INSYN2A: variants seen among roughly 807,000 people sequenced by gnomAD.
The protein encoded by INSYN2A is family with sequence similarity 196 member A.
INSYN2A carries 17 observed loss-of-function variants against 39.4 expected under a neutral mutation model. The observed-to-expected ratio is 0.43, with a 90% CI of 0.30 to 0.65. The LOEUF (loss-of-function observed/expected upper bound fraction) is 0.65. INSYN2A is among the 30% of genes least tolerant of loss of function. INSYN2A has a pLI of 0.14. For synonymous variants in INSYN2A, 255 were observed against 265.7 expected, an observed-to-expected ratio of 0.96 and a Z score of 0.39; for missense variants, 595 against 631.2, an observed-to-expected ratio of 0.94 and a Z score of 0.61.
chr10:127,162,627 C>T (rs2053684489), intron 4 of INSYN2A, among the ~76,000 whole-genome samples: 1 of 152,186 alleles, frequency 6.6e-6, no homozygotes, highest in Non-Finnish European at 1.5e-5. Context: ...CTGGAAGGAT[C>T]ACCTGTACAT....
intron 1 of INSYN2A, among the ~76,000 whole-genome samples, chr10:127,194,803 C>T (rs2056988647): frequency 6.6e-6 from 1 of 152,172 alleles, no homozygotes; most frequent in South Asian, 2.1e-4. Context: ...GCTTCCCAGC[C>T]AAGGCAGGGC....
chr10:127,161,642 C>T lies in INSYN2A; in HGVS notation c.1185-7719G>A, dbSNP rs766180357. Among the ~76,000 whole-genome samples, 4 of 152,140 alleles carry T rather than the reference C, an allele frequency of 2.6e-5. 1 individual carries two copies. The highest frequency in any genetic ancestry group is 2.0e-4 in the Admixed American group (3 of 15,266). ...GAGTGTTGACACCTCTCCAGCTGCC[C>T]GGCTGCCACCTTTTGAGAGTTCTGC... On this transcript the variant is annotated intron_variant, in intron 4 of 5. Transcript: ENST00000522781.
chr10:127,165,894 A>T (rs2054025070), intron 4 of INSYN2A, among the ~76,000 whole-genome samples: 1 of 152,138 alleles, frequency 6.6e-6, no homozygotes, highest in Admixed American at 6.5e-5. Context: ...CAATGAGGGG[A>T]TCTCTGCTGT....
At chr10:127,193,371 G>C (rs1431316345) in intron 1 of INSYN2A, among the ~76,000 whole-genome samples, 32 of 152,182 alleles carry the variant, frequency 2.1e-4, no homozygotes, top group Admixed American at 2.1e-3. Flanking sequence ...TGGACGCGTT[G>C]AACAGCATCC....
chr10:127,190,531 T>C (rs572330400), intron 2 of INSYN2A, among the ~76,000 whole-genome samples: 2 of 96,188 alleles, frequency 2.1e-5, no homozygotes, highest in East Asian at 1.3e-3. Context: ...TGTGAATCGC[T>C]TCATCCAATT....
intron 2 of INSYN2A, among the ~76,000 whole-genome samples, chr10:127,187,463 G>A (rs547068484): frequency 1.1e-4 from 16 of 152,276 alleles, no homozygotes; most frequent in South Asian, 4.1e-4. Context: ...GTATGCTTTC[G>A]CCTTCTTGAA....
At chr10:127,171,612 G>T (rs988747495) in intron 4 of INSYN2A, among the ~76,000 whole-genome samples, 1 of 152,180 alleles carries the variant, frequency 6.6e-6, no homozygotes, top group Admixed American at 6.5e-5. Flanking sequence ...GGTGGCAAGT[G>T]GGGAGAGGAA....
intron 5 of INSYN2A, among the ~76,000 whole-genome samples, chr10:127,153,232 A>G (rs560722815): frequency 4.6e-5 from 7 of 152,262 alleles, no homozygotes; most frequent in Non-Finnish European, 7.3e-5. Flanking sequence ...GGTTTTGACT[A>G]TATCTTAAAA....
chr10:127,148,030 C>CAAA (rs57503481), intron 5 of INSYN2A, among the ~76,000 whole-genome samples: 43 of 63,324 alleles, frequency 6.8e-4, no homozygotes, highest in Non-Finnish European at 1.1e-3. Flanking sequence ...GACTCTGTCT[C>CAAA]AAAAAAAAAA....
In INSYN2A at chr10:127,176,096, G is replaced by C. The variant is rs201518235; in HGVS notation, c.300C>G (p.Thr100=). The change falls in exon 4 of 6, where the codon ACC becomes ACG. Residue 100 remains threonine, a synonymous_variant. Coordinates refer to ENST00000522781, the MANE Select transcript of INSYN2A (RefSeq NM_001039762.3). The surrounding 1 kb of genome is among the most constrained non-coding windows in gnomAD (Gnocchi z 4.4). ...VPARRSIPNV[T]KSTGVQTSPD... ...GCGAGGTCTGCACGCCTGTGCTCTTGGTGACGTTGGGGATGGACCTGCGTG... is the reference window on the plus strand; with the variant it reads ...GCGAGGTCTGCACGCCTGTGCTCTTCGTGACGTTGGGGATGGACCTGCGTG... 2 of 1,614,124 alleles carry C rather than the reference G, an allele frequency of 1.2e-6. No homozygotes were observed. The highest frequency in any genetic ancestry group is 2.2e-5 in the South Asian group (2 of 91,080).
intron 1 of INSYN2A, among the ~76,000 whole-genome samples, chr10:127,193,211 G>C (rs2056872958): frequency 6.6e-6 from 1 of 152,166 alleles, no homozygotes; most frequent in Non-Finnish European, 1.5e-5. Context: ...AGGGGTTGTG[G>C]TGCTTCACAT....
intron 2 of INSYN2A, among the ~76,000 whole-genome samples, chr10:127,180,162 C>A (rs1025885201): frequency 6.6e-6 from 1 of 152,234 alleles, no homozygotes; most frequent in African/African-American, 2.4e-5. Flanking sequence ...CTCATCTGAG[C>A]AATGCCCTTG....
rs1396274934 is a variant in INSYN2A at position 127,176,815 on chromosome 10, T to A, written c.-6+62A>T. The A allele has an allele frequency of 1.9e-5, 3 of 160,732 alleles. No homozygotes were observed. Among genetic ancestry groups the A allele is most frequent in the Non-Finnish European group, 4.1e-5 (3 of 73,642 alleles). The allele number at this position is 160,732 out of a possible 1,614,324, so 10.0% of individuals were successfully genotyped here. A position where few individuals can be genotyped will look rare whatever the true frequency, so the allele number is the denominator to read the frequency against. ...ATTTGGTTTGCGTTTTGACTATTTT[T>A]TGAGGATGACGTCATTAATCTATTG... is the stretch of plus-strand genomic sequence containing the variant. On this transcript the variant is annotated intron_variant, in intron 3 of 5. Coordinates refer to ENST00000522781, the MANE Select transcript of INSYN2A (RefSeq NM_001039762.3). The surrounding 1 kb of genome is among the most constrained non-coding windows in gnomAD (Gnocchi z 4.4).
intron 4 of INSYN2A, among the ~76,000 whole-genome samples, chr10:127,162,706 T>C: frequency 6.6e-6 from 1 of 152,198 alleles, no homozygotes; most frequent in East Asian, 1.9e-4. Flanking sequence ...TTCTACTTAG[T>C]GTTCTAATCA....
intron 5 of INSYN2A, among the ~76,000 whole-genome samples, chr10:127,144,489 G>A (rs1481653643): frequency 2.6e-5 from 4 of 152,150 alleles, no homozygotes; most frequent in Admixed American, 2.0e-4. Flanking sequence ...TGCTGGCTCT[G>A]AACCTGCTCT....
At chr10:127,158,892 T>C (rs878864995) in intron 4 of INSYN2A, among the ~76,000 whole-genome samples, 2 of 152,090 alleles carry the variant, frequency 1.3e-5, no homozygotes, top group African/African-American at 2.4e-5. Context: ...GGAGCTCTCT[T>C]TTTTTGGTGC....
Position 127,196,000 on chromosome 10 carries a change from C to T in INSYN2A, c.-398G>A, listed in dbSNP as rs2057111712. The T allele has an allele frequency of 6.6e-6, 1 of 152,212 alleles. No individual in the cohort carries two copies. The highest frequency in any genetic ancestry group is 2.1e-4 in the South Asian group (1 of 4,838). 9.4% of individuals were successfully genotyped at this position (152,212 alleles called of 1,614,324 possible). On this transcript the variant is annotated 5_prime_UTR_variant, in exon 1 of 6. Coordinates refer to ENST00000522781, the MANE Select transcript of INSYN2A (RefSeq NM_001039762.3). The stretch of plus-strand genomic sequence containing the variant: ...GGGCACGCGGGGCTCCGCTTACCTT[C>T]CGCTGCTTACAGATAAGTCGAGGTC...
chr10:127,140,638 A>AAGTCTCTGGGTTGAGTTTGACACACTG (rs2051144822), intron 5 of INSYN2A, among the ~76,000 whole-genome samples: 2 of 147,056 alleles, frequency 1.4e-5, no homozygotes, highest in East Asian at 2.0e-4. Context: ...TTGACACACC[A>AAGTCTCTGGGTTGAGTTTGACACACTG]AGTCTCTGGG....
chr10:127,168,376 A>G (rs2054268464), intron 4 of INSYN2A, among the ~76,000 whole-genome samples: 2 of 152,270 alleles, frequency 1.3e-5, no homozygotes, highest in Admixed American at 6.5e-5. Context: ...GCTAAGGCAC[A>G]GGAGAGCATT....
Sources: allele counts gnomAD v4.1 joint callset (sites outside exome capture counted in the v4.1 genomes callset), GRCh38; gene constraint gnomAD v4.1.1; non-coding constraint Gnocchi (gnomAD v3.1); transcripts MANE v1.5; gene names NCBI Gene and HGNC (gene_info 2026-07-23, HGNC 2026-07-21).